Variants in CDH18 observed in about 807,000 individuals in gnomAD.
CDH18 encodes the protein cadherin 18.
A neutral mutation model predicts 67.9 loss-of-function variants in CDH18; 31 were observed. That is an observed-to-expected ratio of 0.46 (90% CI 0.34 to 0.62). The LOEUF (loss-of-function observed/expected upper bound fraction) is 0.62, where lower values mean the gene tolerates loss of function less well. Ranked by LOEUF, CDH18 falls within the 20% of genes least tolerant of loss-of-function variation. CDH18 has a pLI of 0.01. For synonymous variants in CDH18, 362 were observed against 347.2 expected, an observed-to-expected ratio of 1.04 and a Z score of -0.48; for missense variants, 890 against 975.5, an observed-to-expected ratio of 0.91 and a Z score of 1.17.
At chr5:19,996,028 C>T (rs1031567204) in intron 2 of CDH18, among the ~76,000 whole-genome samples, 1 of 152,064 alleles carries the variant, frequency 6.6e-6, no homozygotes, top group Non-Finnish European at 1.5e-5. Context: ...TGTTCAAAAT[C>T]ATTTTAATGA....
At chr5:20,389,669 C>T (rs1167802244) in intron 1 of CDH18, among the ~76,000 whole-genome samples, 7 of 152,062 alleles carry the variant, frequency 4.6e-5, no homozygotes, top group East Asian at 1.9e-4. Flanking sequence ...AAAAAGAGCC[C>T]GCATCGCCAA....
intron 1 of CDH18, among the ~76,000 whole-genome samples, chr5:20,488,715 T>C (rs1159798115): frequency 7.6e-6 from 1 of 130,790 alleles, no homozygotes; most frequent in African/African-American, 2.7e-5. Context: ...ACACATACAA[T>C]TGTTTATCAA....
chr5:20,050,349 C>T (rs1222377035), intron 2 of CDH18, among the ~76,000 whole-genome samples: 1 of 151,760 alleles, frequency 6.6e-6, no homozygotes, highest in Non-Finnish European at 1.5e-5. Context: ...AGCATGGATT[C>T]CAAAGCAGGA....
chr5:20,347,795 A>C (rs1270559812), intron 1 of CDH18, among the ~76,000 whole-genome samples: 1 of 152,186 alleles, frequency 6.6e-6, no homozygotes, highest in African/African-American at 2.4e-5. Context: ...GTGCAGATGC[A>C]ACACCCATAG....
intron 2 of CDH18, among the ~76,000 whole-genome samples, chr5:20,100,639 C>T (rs539627005): frequency 9.3e-4 from 141 of 152,014 alleles, no homozygotes; most frequent in African/African-American, 3.0e-3. Flanking sequence ...TCTATAACAC[C>T]GAAAACTGGA....
At chr5:20,497,072 GC>G (rs1753954371) in intron 1 of CDH18, among the ~76,000 whole-genome samples, 1 of 151,960 alleles carries the variant, frequency 6.6e-6, no homozygotes, top group Non-Finnish European at 1.5e-5. Context: ...TGAAGGAAAA[GC>G]AAATGTCAAA....
At chr5:19,553,692 C>T (rs1220007485) in intron 8 of CDH18, among the ~76,000 whole-genome samples, 1 of 141,618 alleles carries the variant, frequency 7.1e-6, no homozygotes, top group Non-Finnish European at 1.5e-5. Context: ...CCAGTCTGGA[C>T]TGCAGCAGCA....
At chr5:20,558,036 TA>T (rs1347767002) in intron 1 of CDH18, among the ~76,000 whole-genome samples, 9 of 144,232 alleles carry the variant, frequency 6.2e-5, no homozygotes, top group African/African-American at 2.2e-4. Flanking sequence ...TATAGTTATA[TA>T]ACATTAATTG....
At chr5:20,212,217 G>A (rs1740408308) in intron 2 of CDH18, among the ~76,000 whole-genome samples, 1 of 152,090 alleles carries the variant, frequency 6.6e-6, no homozygotes, top group South Asian at 2.1e-4. Context: ...GAAGCAAGAA[G>A]AGAAGTTTAG....
chr5:19,507,469 G>A (rs1367867144), intron 10 of CDH18, among the ~76,000 whole-genome samples: 5 of 151,954 alleles, frequency 3.3e-5, no homozygotes, highest in South Asian at 2.1e-4. Context: ...TGTTTATTGC[G>A]GCACTATTCA....
At chr5:20,176,087 C>T (rs1262528061) in intron 2 of CDH18, among the ~76,000 whole-genome samples, 1 of 152,134 alleles carries the variant, frequency 6.6e-6, no homozygotes, top group Non-Finnish European at 1.5e-5. Context: ...CCTAGTCAGC[C>T]ATCTGCATAA....
chr5:20,297,524 G>C (rs1312876738), intron 1 of CDH18, among the ~76,000 whole-genome samples: 1 of 152,118 alleles, frequency 6.6e-6, no homozygotes, highest in African/African-American at 2.4e-5. Context: ...AATTTAATGA[G>C]TCACAATGTC....
chr5:19,902,915 G>A (rs1299491533), intron 2 of CDH18, among the ~76,000 whole-genome samples: 1 of 152,028 alleles, frequency 6.6e-6, no homozygotes, highest in Non-Finnish European at 1.5e-5. Context: ...ATGGGCATAA[G>A]AAAAGTAATC....
intron 5 of CDH18, among the ~76,000 whole-genome samples, chr5:19,688,383 G>A (rs1034103351): frequency 6.6e-6 from 1 of 152,058 alleles, no homozygotes. Context: ...CCTCACTATA[G>A]CCTTACAATT....
chr5:19,964,186 AAG>A (rs1234618476), intron 2 of CDH18, among the ~76,000 whole-genome samples: 7 of 152,164 alleles, frequency 4.6e-5, no homozygotes, highest in Non-Finnish European at 8.8e-5. Context: ...TGATATAAAA[AAG>A]AGTACATATC....
At chr5:20,012,052 T>C (rs1429462351) in intron 2 of CDH18, among the ~76,000 whole-genome samples, 2 of 152,068 alleles carry the variant, frequency 1.3e-5, no homozygotes, top group African/African-American at 4.8e-5. Flanking sequence ...AATTCAGCTG[T>C]CAATCCATCT....
chr5:19,730,494 A>G (rs1373346899), intron 4 of CDH18, among the ~76,000 whole-genome samples: 2 of 152,336 alleles, frequency 1.3e-5, no homozygotes, highest in Admixed American at 6.5e-5. Flanking sequence ...AAGAATTTGC[A>G]TATACATAAT....
chr5:20,489,633 AG>A (rs1305306276), intron 1 of CDH18, among the ~76,000 whole-genome samples: 1 of 152,038 alleles, frequency 6.6e-6, no homozygotes, highest in African/African-American at 2.4e-5. Flanking sequence ...AAGATAAAAA[AG>A]TTTTTTTCCA....
intron 1 of CDH18, among the ~76,000 whole-genome samples, chr5:20,390,374 G>T (rs1744736248): frequency 6.6e-6 from 1 of 152,068 alleles, no homozygotes; most frequent in Admixed American, 6.6e-5. Flanking sequence ...GCAGCCAAAA[G>T]ACACATGAAA....
Sources: allele counts gnomAD v4.1 joint callset (sites outside exome capture counted in the v4.1 genomes callset), GRCh38; gene constraint gnomAD v4.1.1; transcripts MANE v1.5; gene names NCBI Gene and HGNC (gene_info 2026-07-23, HGNC 2026-07-21).